The following GBE1 variants were observed in gnomAD, a reference collection of about 807,000 sequenced individuals.
GBE1 encodes the protein 1,4-alpha-glucan branching enzyme 1.
GBE1 carries 70 observed loss-of-function variants against 88.8 expected under a neutral mutation model. The ratio of observed to expected loss-of-function variants is 0.79; its 90% CI spans 0.65 to 0.96. GBE1 has a LOEUF of 0.96. Among genes scored for constraint, GBE1 ranks in the 40% least tolerant of loss-of-function variants. GBE1 has a pLI of 0.00. For missense variants in GBE1, 872 were observed against 871.0 expected, an observed-to-expected ratio of 1.00 and a Z score of -0.01; for synonymous variants, 284 against 300.1, an observed-to-expected ratio of 0.95 and a Z score of 0.56.
rs528836573 is a variant in GBE1 at position 81,607,474 on chromosome 3, G to A, written c.993-13451C>T. Among the ~76,000 whole-genome samples, 17 of 152,116 alleles carry A rather than the reference G, an allele frequency of 1.1e-4. No individual in the cohort carries two copies. In the South Asian group the frequency reaches 3.3e-3, roughly 30 times the overall value. On this transcript the variant is annotated intron_variant, in intron 7 of 15. Coordinates refer to ENST00000429644, the MANE Select transcript of GBE1 (RefSeq NM_000158.4). The stretch of plus-strand genomic sequence containing the variant: ...TGAGGCAGGAGAATCACTTGAACTC[G>A]GGAGTCAGAGGTTACAGTGAGCCAA...
intron 12 of GBE1, among the ~76,000 whole-genome samples, chr3:81,543,675 C>T (rs910837497): frequency 6.6e-5 from 10 of 152,032 alleles, no homozygotes; most frequent in African/African-American, 2.2e-4. Flanking sequence ...TCAGACAGTA[C>T]AGTGAAATAT....
Position 81,641,894 on chromosome 3 carries a change from T to C in GBE1, c.992+887A>G, listed in dbSNP as rs1225013010. On this transcript the variant is annotated intron_variant, in intron 7 of 15. Transcript: ENST00000429644. ...AAAATTCATTAATTTTTTTCAAAAA[T>C]ACATACACATATATAAAATATATAT... is the stretch of plus-strand genomic sequence containing the variant. Among the ~76,000 whole-genome samples, 3 of 149,762 alleles carry C rather than the reference T, an allele frequency of 2.0e-5. No individual in the cohort carries two copies. In the East Asian group the frequency reaches 5.8e-4, roughly 29 times the overall value.
chr3:81,529,784 G>A (rs185108038), intron 14 of GBE1, among the ~76,000 whole-genome samples: 1 of 152,054 alleles, frequency 6.6e-6, no homozygotes, highest in African/African-American at 2.4e-5. Flanking sequence ...TAAATGTCTT[G>A]AGGTAGTATT....
intron 1 of GBE1, among the ~76,000 whole-genome samples, chr3:81,735,617 C>T (rs1192147742): frequency 6.6e-6 from 1 of 152,190 alleles, no homozygotes. Context: ...AGTGGCACTG[C>T]GGTCCCCCCA....
chr3:81,598,019 TCA>T (rs1196359295), intron 7 of GBE1, among the ~76,000 whole-genome samples: 1 of 151,914 alleles, frequency 6.6e-6, no homozygotes, highest in Non-Finnish European at 1.5e-5. Context: ...ACAAATTTTC[TCA>T]GTGAGCAACT....
At chr3:81,679,843 T>C (rs1410591995) in intron 2 of GBE1, among the ~76,000 whole-genome samples, 1 of 152,164 alleles carries the variant, frequency 6.6e-6, no homozygotes, top group East Asian at 1.9e-4. Flanking sequence ...TATTTACTTA[T>C]TTACCAACCT....
Position 81,752,161 on chromosome 3 carries a change from T to C in GBE1, c.143+9214A>G, listed in dbSNP as rs1312881344. ...GCATCTTATGGCAAAATCAAACCCA[T>C]TGAAAATAACTGCAGCCATCAAATA... On this transcript the variant is annotated intron_variant, in intron 1 of 15. Transcript: ENST00000429644. 2.6e-5 allele frequency among the ~76,000 whole-genome samples: 4 copies of C among 151,956 alleles called. 1 individual carries two copies. Among genetic ancestry groups the C allele is most frequent in the South Asian group, 4.1e-4 (2 of 4,830 alleles).
chr3:81,748,377 C>T (rs1305337448), intron 1 of GBE1, among the ~76,000 whole-genome samples: 4 of 151,688 alleles, frequency 2.6e-5, no homozygotes, highest in South Asian at 2.1e-4. Context: ...TTTGGAAGGC[C>T]GAGGAGGGCG....
intron 14 of GBE1, among the ~76,000 whole-genome samples, chr3:81,527,883 T>A (rs1172502043): frequency 6.6e-6 from 1 of 151,960 alleles, no homozygotes; most frequent in Non-Finnish European, 1.5e-5. Flanking sequence ...ACCCAAAGGA[T>A]TATAAATCAT....
At chr3:81,496,539 C>G (rs1159543570) in intron 15 of GBE1, among the ~76,000 whole-genome samples, 1 of 152,136 alleles carries the variant, frequency 6.6e-6, no homozygotes, top group Non-Finnish European at 1.5e-5. Context: ...CTTCCTTCCT[C>G]CTTTTAGTCT....
intron 2 of GBE1, among the ~76,000 whole-genome samples, chr3:81,695,443 G>C (rs773999155): frequency 3.9e-5 from 6 of 152,204 alleles, no homozygotes; most frequent in Non-Finnish European, 7.3e-5. Context: ...AATAGGCGAA[G>C]CCATAGAGAC....
chr3:81,499,362 T>C, intron 14 of GBE1, 135 bp from the exon 15 acceptor site: 2 of 679,472 alleles, frequency 2.9e-6, no homozygotes, highest in African/African-American at 1.8e-5. Flanking sequence ...CATTTCTTCT[T>C]TTATAGTTTT....
intron 8 of GBE1, 79 bp from the exon 9 acceptor site, chr3:81,591,243 G>A (rs1330896132): frequency 9.0e-7 from 1 of 1,116,878 alleles, no homozygotes; most frequent in Non-Finnish European, 1.2e-6. Context: ...TCACCAATTA[G>A]TTTGTTTATA....
At chr3:81,538,916 T>C (rs1239521220) in intron 12 of GBE1, among the ~76,000 whole-genome samples, 1 of 152,012 alleles carries the variant, frequency 6.6e-6, no homozygotes, top group Non-Finnish European at 1.5e-5. Flanking sequence ...ATCCCAGTAT[T>C]AATAAACAAT....
chr3:81,535,166 G>C (rs762828893), intron 14 of GBE1, 29 bp downstream of exon 14: 1 of 1,581,902 alleles, frequency 6.3e-7, no homozygotes, highest in South Asian at 1.1e-5. Context: ...AATGTGGACA[G>C]TCATATTCAC....
rs936177684 is a variant in GBE1 at position 81,733,167 on chromosome 3, G to A, written c.144-27554C>T. On this transcript the variant is annotated intron_variant, in intron 1 of 15. Transcript: ENST00000429644. The surrounding 1 kb of genome is among the most constrained non-coding windows in gnomAD (Gnocchi z 4.0). ...TCAGCGGTGGCATTAGATTCCCATA[G>A]CAGAATCTAACAGGGTTCACATAGA... 6.6e-6 allele frequency among the ~76,000 whole-genome samples: 1 copy of A among 152,026 alleles called. No individual in the cohort carries two copies. Among genetic ancestry groups the A allele is most frequent in the Non-Finnish European group, 1.5e-5 (1 of 68,006 alleles).
intron 14 of GBE1, among the ~76,000 whole-genome samples, chr3:81,516,069 T>G (rs9842657): frequency 0.06 from 9,107 of 151,732 alleles, 447 homozygotes; most frequent in African/African-American, 0.12. Flanking sequence ...AGCTAGGATA[T>G]TGATAAACGT....
chr3:81,494,372 A>G (rs1460151977), intron 15 of GBE1, among the ~76,000 whole-genome samples: 1 of 152,162 alleles, frequency 6.6e-6, no homozygotes, highest in East Asian at 1.9e-4. Flanking sequence ...TAGCCTAAGT[A>G]TTGGCTCTGT....
chr3:81,540,536 T>C (rs1470156997), intron 12 of GBE1, among the ~76,000 whole-genome samples: 2 of 152,054 alleles, frequency 1.3e-5, no homozygotes, highest in African/African-American at 4.8e-5. Context: ...CAGCTGCCCA[T>C]ACAGGTAACA....
Sources: allele counts gnomAD v4.1 joint callset (sites outside exome capture counted in the v4.1 genomes callset), GRCh38; gene constraint gnomAD v4.1.1; non-coding constraint Gnocchi (gnomAD v3.1); transcripts MANE v1.5; gene names NCBI Gene and HGNC (gene_info 2026-07-23, HGNC 2026-07-21).